The following GABRG3 variants were observed in gnomAD, a reference collection of about 807,000 sequenced individuals.
GABRG3 encodes gamma-aminobutyric acid type A receptor subunit gamma3, also known as gamma-aminobutyric acid receptor subunit gamma-3.
GABRG3 carries 25 observed loss-of-function variants against 48.8 expected under a neutral mutation model. The ratio of observed to expected loss-of-function variants is 0.51; its 90% CI spans 0.37 to 0.72. The LOEUF is 0.72. GABRG3 is among the 30% of genes least tolerant of loss of function. The pLI, the probability that GABRG3 is intolerant of heterozygous loss-of-function variation, is 0.00. For synonymous variants in GABRG3, 227 were observed against 217.6 expected (o/e 1.04, Z -0.38); for missense variants, 394 against 577.9 (o/e 0.68, Z 3.26).
chr15:27,011,430 C>A (rs762298230), intron 2 of GABRG3, among the ~76,000 whole-genome samples: 4 of 152,166 alleles, frequency 2.6e-5, no homozygotes, highest in Admixed American at 6.5e-5. Flanking sequence ...AGTCTCTTCT[C>A]TTCATTTTAT....
intron 5 of GABRG3, among the ~76,000 whole-genome samples, chr15:27,460,186 C>CCAA (rs528355541): frequency 1.3e-5 from 2 of 152,140 alleles, no homozygotes; most frequent in Admixed American, 6.5e-5. Flanking sequence ...ATATTTTTGT[C>CCAA]CAACAACAAC....
intron 5 of GABRG3, among the ~76,000 whole-genome samples, chr15:27,428,792 T>C (rs1471345966): frequency 6.6e-6 from 1 of 152,016 alleles, no homozygotes; most frequent in Non-Finnish European, 1.5e-5. Context: ...GTGTCTTGAG[T>C]GAAAAAGCAC....
At chr15:27,193,819 G>A (rs1446818907) in intron 3 of GABRG3, among the ~76,000 whole-genome samples, 5 of 152,202 alleles carry the variant, frequency 3.3e-5, no homozygotes, top group East Asian at 1.9e-4. Context: ...CGTCGCTCAC[G>A]CTGGGAGCTG....
At position 27,352,317 on chromosome 15, in the gene GABRG3, G is replaced by A. The variant is rs141293398; in HGVS notation, c.574+23429G>A. ...CCATAGTGAGAGGAAGAGGACCCAG[G>A]GAGAGCACGATTATCCCCCGCACAC... On this transcript the variant is annotated intron_variant, in intron 5 of 9. Coordinates refer to ENST00000615808, the MANE Select transcript of GABRG3 (RefSeq NM_033223.5). The surrounding 1 kb of genome is among the most constrained non-coding windows in gnomAD (Gnocchi z 4.0). Among the ~76,000 whole-genome samples, 110 of 152,040 alleles carry A rather than the reference G, an allele frequency of 7.2e-4. No individual in the cohort carries two copies. The highest frequency in any genetic ancestry group is 2.6e-3 in the African/African-American group (106 of 41,434).
intron 3 of GABRG3, among the ~76,000 whole-genome samples, chr15:27,183,788 A>G (rs546695499): frequency 2.0e-5 from 3 of 152,316 alleles, no homozygotes; most frequent in African/African-American, 7.2e-5. Flanking sequence ...AAGCGTATTA[A>G]TCAGACAAAT....
At position 27,095,229 on chromosome 15, in the gene GABRG3, G is replaced by A. The variant is rs994021998; in HGVS notation, c.270+68408G>A. 5.3e-5 allele frequency among the ~76,000 whole-genome samples: 8 copies of A among 152,334 alleles called. No homozygotes were observed. In the East Asian group the frequency reaches 1.5e-3, roughly 29 times the overall value. On this transcript the variant is annotated intron_variant, in intron 3 of 9. Coordinates refer to ENST00000615808, the MANE Select transcript of GABRG3 (RefSeq NM_033223.5). The stretch of plus-strand genomic sequence containing the variant: ...AAACAGCTCAGGCCCCTGTGTGGCT[G>A]GCTCTTGGCAACTCTGTTGAATGAA...
rs57772496 is a variant in GABRG3, at chr15:27,267,102, CT to C, written c.271-59686del. Among the ~76,000 whole-genome samples, 425 of 112,776 alleles carry C rather than the reference CT, an allele frequency of 3.8e-3. 2 individuals are homozygous for C. The highest frequency in any genetic ancestry group is 5.6e-3 in the Middle Eastern group (1 of 180). The allele number at this position is 112,776 out of a possible 152,430, so 74.0% of individuals were successfully genotyped here. A position where few individuals can be genotyped will look rare whatever the true frequency, so the allele number is the denominator to read the frequency against. ...TAGGGGGAAAACATCTAGTCTTTTA[CT>C]TTTTTTTTTTTTTTTTTTTTGAGAC... On this transcript the variant is annotated intron_variant, in intron 3 of 9. Coordinates refer to ENST00000615808, the MANE Select transcript of GABRG3 (RefSeq NM_033223.5).
chr15:27,196,348 C>G (rs1225158221), intron 3 of GABRG3, among the ~76,000 whole-genome samples: 1 of 152,210 alleles, frequency 6.6e-6, no homozygotes, highest in African/African-American at 2.4e-5. Context: ...TGCTCTCTCT[C>G]TCTCCAGGCC....
intron 3 of GABRG3, among the ~76,000 whole-genome samples, chr15:27,282,864 A>G (rs1891482195): frequency 6.6e-6 from 1 of 152,154 alleles, no homozygotes; most frequent in African/African-American, 2.4e-5. Flanking sequence ...GTCCTCTGCT[A>G]AAATCGTGCT....
chr15:26,971,683 T>C (rs1894848188), intron 1 of GABRG3, 95 bp downstream of exon 1: 5 of 1,349,064 alleles, frequency 3.7e-6, no homozygotes, highest in Non-Finnish European at 4.8e-6. Flanking sequence ...GCGCCAGCCG[T>C]CGGCTGGGCT....
chr15:27,369,172 T>C (rs28627538), intron 5 of GABRG3, among the ~76,000 whole-genome samples: 30,469 of 152,064 alleles, frequency 0.2, 3,239 homozygotes, highest in Middle Eastern at 0.28. Flanking sequence ...AGTCACTTTA[T>C]CCAGCATCAG....
chr15:27,078,239 A>G (rs921047228), intron 3 of GABRG3, among the ~76,000 whole-genome samples: 1 of 152,158 alleles, frequency 6.6e-6, no homozygotes, highest in African/African-American at 2.4e-5. Context: ...AGAAAAATGA[A>G]AGGCTGACCT....
chr15:27,478,581 G>T (rs1890018260), intron 5 of GABRG3, among the ~76,000 whole-genome samples: 1 of 152,184 alleles, frequency 6.6e-6, no homozygotes, highest in Admixed American at 6.5e-5. Context: ...CACTTTGGAA[G>T]ACAATCTGGC....
intron 5 of GABRG3, among the ~76,000 whole-genome samples, chr15:27,335,953 C>T (rs1336192038): frequency 3.3e-5 from 5 of 151,930 alleles, no homozygotes; most frequent in Non-Finnish European, 5.9e-5. Context: ...TTTGGGAGGC[C>T]GAGGTGGGCA....
intron 5 of GABRG3, among the ~76,000 whole-genome samples, chr15:27,338,460 G>T (rs560564597): frequency 1.3e-5 from 2 of 152,278 alleles, no homozygotes; most frequent in East Asian, 3.9e-4. Flanking sequence ...CCCCTGATGT[G>T]GTGGTTCTGT....
At chr15:27,353,426 CTATTTATT>C (rs59969384) in intron 5 of GABRG3, among the ~76,000 whole-genome samples, 92 of 146,110 alleles carry the variant, frequency 6.3e-4, no homozygotes, top group African/African-American at 1.9e-3. Context: ...TTCTTTCTTT[CTATTTATT>C]TATTTATTTA....
intron 3 of GABRG3, among the ~76,000 whole-genome samples, chr15:27,140,006 C>A (rs1257561735): frequency 6.6e-6 from 1 of 152,182 alleles, no homozygotes; most frequent in Non-Finnish European, 1.5e-5. Flanking sequence ...ATGAGCAGGG[C>A]CCCGGAGGCA....
At chr15:27,044,286 C>T (rs1369575990) in intron 3 of GABRG3, among the ~76,000 whole-genome samples, 2 of 152,138 alleles carry the variant, frequency 1.3e-5, no homozygotes, top group African/African-American at 4.8e-5. Context: ...GTGCCAGTCA[C>T]TGTTCTAGAA....
At chr15:27,189,358 G>A (rs1888215128) in intron 3 of GABRG3, among the ~76,000 whole-genome samples, 1 of 152,114 alleles carries the variant, frequency 6.6e-6, no homozygotes. Flanking sequence ...TCCTACCCAT[G>A]AGCATGGAAT....
Sources: allele counts gnomAD v4.1 joint callset (sites outside exome capture counted in the v4.1 genomes callset), GRCh38; gene constraint gnomAD v4.1.1; non-coding constraint Gnocchi (gnomAD v3.1); transcripts MANE v1.5; gene names NCBI Gene and HGNC (gene_info 2026-07-23, HGNC 2026-07-21).